The following PIK3CB variants were observed in gnomAD, a reference collection of about 807,000 sequenced individuals.
PIK3CB encodes phosphatidylinositol 4,5-bisphosphate 3-kinase catalytic subunit beta isoform.
In PIK3CB, 39 loss-of-function variants were observed where a neutral mutation model predicts 136.8. That is an observed-to-expected ratio of 0.29 (90% confidence interval 0.22 to 0.37). The LOEUF (loss-of-function observed/expected upper bound fraction) is 0.37. Among genes scored for constraint, PIK3CB ranks in the 10% least tolerant of loss-of-function variants. The pLI is 1.00. For missense variants in PIK3CB, 868 were observed against 1,275.4 expected (o/e 0.68, Z 4.87); for synonymous variants, 428 against 436.6 (o/e 0.98, Z 0.25).
intron 2 of PIK3CB, among the ~76,000 whole-genome samples, chr3:138,771,693 T>TAG (rs2108765237): frequency 6.6e-6 from 1 of 152,270 alleles, no homozygotes; most frequent in African/African-American, 2.4e-5. Flanking sequence ...GATGGCACTC[T>TAG]AAACAGCTTT....
At chr3:138,712,797 C>T (rs527575219) in intron 9 of PIK3CB, among the ~76,000 whole-genome samples, 43 of 152,154 alleles carry the variant, frequency 2.8e-4, no homozygotes, top group African/African-American at 9.4e-4. Context: ...AAACTCCTGA[C>T]CTCAGGTGAT....
intron 2 of PIK3CB, among the ~76,000 whole-genome samples, chr3:138,786,582 G>C (rs1430333826): frequency 6.6e-6 from 1 of 151,972 alleles, no homozygotes; most frequent in Admixed American, 6.6e-5. Flanking sequence ...CTCACCTCAG[G>C]TCATCCACCC....
At chr3:138,735,605 T>A (rs1388766026) in intron 6 of PIK3CB, among the ~76,000 whole-genome samples, 1 of 152,076 alleles carries the variant, frequency 6.6e-6, no homozygotes, top group African/African-American at 2.4e-5. Flanking sequence ...CGTCTTCCCA[T>A]CAAAAACCTA....
rs769094926 is a variant in PIK3CB at position 138,714,748 on chromosome 3, A to G, written c.1051-29T>C. The G allele has an allele frequency of 2.1e-5, 32 of 1,558,730 alleles. No homozygotes were observed. The South Asian group carries it at 3.5e-4, about 17-fold the overall frequency. ...TAACGAAGCAGACAAAAACAAAAACAAAGTCATGAATACTGTACCACGAAA... is the reference window on the plus strand; with the variant it reads ...TAACGAAGCAGACAAAAACAAAAACGAAGTCATGAATACTGTACCACGAAA... On this transcript the variant is annotated intron_variant, in intron 8 of 23. Transcript: ENST00000674063.
chr3:138,817,835 C>T (rs1050238034), intron 1 of PIK3CB, among the ~76,000 whole-genome samples: 7 of 152,116 alleles, frequency 4.6e-5, no homozygotes, highest in African/African-American at 1.7e-4. Flanking sequence ...GCTTGTGCCT[C>T]CCGAGTCACC....
chr3:138,680,270 A>G (rs1486411691), intron 19 of PIK3CB, among the ~76,000 whole-genome samples: 2 of 151,942 alleles, frequency 1.3e-5, no homozygotes, highest in Non-Finnish European at 1.5e-5. Context: ...AGGCAGGAGA[A>G]TCACTTGAAC....
Position 138,652,897 on chromosome 3 carries a change from A to G in PIK3CB, c.*2492T>C, listed in dbSNP as rs1429058058. On this transcript the variant is annotated 3_prime_UTR_variant, in exon 24 of 24. Transcript: ENST00000674063. ...TACTATGTACTCACAAAAATTAAAAATTAAGAATTTGCATTTTTAACCAGT... is the reference window on the plus strand; with the variant it reads ...TACTATGTACTCACAAAAATTAAAAGTTAAGAATTTGCATTTTTAACCAGT... 1.9e-5 allele frequency: 4 copies of G among 213,816 alleles called. No homozygotes were observed. The highest frequency in any genetic ancestry group is 2.8e-5 in the Non-Finnish European group (3 of 106,004). 13.2% of individuals were successfully genotyped at this position (213,816 alleles called of 1,614,324 possible). A position where few individuals can be genotyped will look rare whatever the true frequency, so the allele number is the denominator to read the frequency against.
chr3:138,670,633 T>A (rs1189296540), intron 19 of PIK3CB, among the ~76,000 whole-genome samples: 1 of 152,218 alleles, frequency 6.6e-6, no homozygotes, highest in East Asian at 1.9e-4. Context: ...GTAGCCCAGG[T>A]CCAACTGGGT....
intron 9 of PIK3CB, 101 bp from the exon 10 acceptor site, chr3:138,712,405 T>A: frequency 4.1e-6 from 2 of 486,502 alleles, no homozygotes; most frequent in Middle Eastern, 3.0e-4. Flanking sequence ...TAGAAAGTTC[T>A]GGATGATTTC....
chr3:138,755,087 ACT>A (rs2045541060), intron 4 of PIK3CB, among the ~76,000 whole-genome samples: 1 of 152,152 alleles, frequency 6.6e-6, no homozygotes, highest in Non-Finnish European at 1.5e-5. Flanking sequence ...ATATTTCCTG[ACT>A]CTCTACCAAA....
chr3:138,683,712 C>T lies in PIK3CB; in HGVS notation c.2391G>A (p.Glu797=), dbSNP rs1230775960. Residue 797 remains glutamate, a synonymous_variant, in exon 18 of 24, where the codon GAG becomes GAA. Transcript: ENST00000674063. Reference sequence around the variant, plus strand: ...TTTTAAAAATCACTCCAACTGAATCCTCACCAAATACCTTGTTATTGTATA... The same window carrying T: ...TTTTAAAAATCACTCCAACTGAATCTTCACCAAATACCTTGTTATTGTATA... ...WLVYNNKVFG[E]DSVGVIFKNG... 57 of 1,599,360 alleles carry T rather than the reference C, an allele frequency of 3.6e-5. No individual in the cohort carries two copies. Among genetic ancestry groups the T allele is most frequent in the Non-Finnish European group, 4.8e-5 (56 of 1,167,080 alleles).
chr3:138,825,127 A>C (rs1185565432), intron 1 of PIK3CB: 1 of 290,022 alleles, frequency 3.4e-6, no homozygotes, highest in African/African-American at 2.2e-5. Flanking sequence ...TGGGTCTTGG[A>C]TAAACTGAAA....
chr3:138,757,431 A>C (rs535672786), intron 3 of PIK3CB, among the ~76,000 whole-genome samples: 33 of 151,262 alleles, frequency 2.2e-4, no homozygotes, highest in Admixed American at 8.6e-4. Context: ...ACAAAAAAAA[A>C]CCCACAATGA....
intron 11 of PIK3CB, 129 bp from the exon 12 acceptor site, chr3:138,704,622 T>C (rs892503929): frequency 8.9e-6 from 6 of 674,726 alleles, no homozygotes; most frequent in Non-Finnish European, 1.6e-5. Flanking sequence ...GAAACATGAA[T>C]TTTAAAAGCA....
chr3:138,686,047 G>A (rs2043885426), intron 16 of PIK3CB, among the ~76,000 whole-genome samples: 2 of 152,162 alleles, frequency 1.3e-5, no homozygotes, highest in African/African-American at 4.8e-5. Flanking sequence ...TGAGGCAGGA[G>A]AATCACTGGA....
intron 14 of PIK3CB, 125 bp from the exon 15 acceptor site, chr3:138,691,268 A>AT (rs1237502064): frequency 1.2e-6 from 1 of 815,636 alleles, no homozygotes; most frequent in Non-Finnish European, 1.9e-6. Flanking sequence ...GGCTTGTTAC[A>AT]TGCTTTCCTT....
At chr3:138,732,620 C>T (rs1576367084) in intron 8 of PIK3CB, among the ~76,000 whole-genome samples, 1 of 151,604 alleles carries the variant, frequency 6.6e-6, no homozygotes, top group Non-Finnish European at 1.5e-5. Context: ...AGCAATAAAC[C>T]CCCATGTGTT....
At chr3:138,829,310 G>C (rs990488013) in intron 1 of PIK3CB, among the ~76,000 whole-genome samples, 2 of 151,962 alleles carry the variant, frequency 1.3e-5, no homozygotes, top group African/African-American at 4.8e-5. Flanking sequence ...ATAAAGTTTG[G>C]ATTTACTTCT....
chr3:138,810,646 T>C (rs949394837), intron 1 of PIK3CB, among the ~76,000 whole-genome samples: 2 of 151,810 alleles, frequency 1.3e-5, no homozygotes, highest in Non-Finnish European at 2.9e-5. Flanking sequence ...GGGCCGGGCA[T>C]GGTGGCTCAC....
Sources: allele counts gnomAD v4.1 joint callset (sites outside exome capture counted in the v4.1 genomes callset), GRCh38; gene constraint gnomAD v4.1.1; transcripts MANE v1.5; gene names NCBI Gene and HGNC (gene_info 2026-07-23, HGNC 2026-07-21).